CHIC1: variants seen among roughly 807,000 people sequenced by gnomAD.
CHIC1 encodes cysteine rich hydrophobic domain 1, also known as cysteine-rich hydrophobic domain-containing protein 1.
In CHIC1, 7 loss-of-function variants were observed where a neutral mutation model predicts 18.5. The ratio of observed to expected loss-of-function variants is 0.38; its 90% CI spans 0.22 to 0.71. The LOEUF is 0.71. Among genes scored for constraint, CHIC1 ranks in the 30% least tolerant of loss-of-function variants. The pLI is 0.49. For synonymous variants in CHIC1, 77 were observed against 73.5 expected, an observed-to-expected ratio of 1.05 and a Z score of -0.25; for missense variants, 159 against 176.9, an observed-to-expected ratio of 0.90 and a Z score of 0.57.
intron 3 of CHIC1, among the ~76,000 whole-genome samples, chrX:73,645,433 G>T (rs746286886): frequency 9.0e-6 from 1 of 111,528 alleles, no homozygotes; most frequent in East Asian, 2.8e-4. Context: ...CCCAGAAGTG[G>T]GATTGCTGGA....
intron 3 of CHIC1, among the ~76,000 whole-genome samples, chrX:73,649,535 T>C (rs1455666731): frequency 1.8e-5 from 2 of 110,629 alleles, no homozygotes; most frequent in African/African-American, 6.6e-5. Flanking sequence ...AAAGCAGAGG[T>C]TGCAATCCTA....
intron 3 of CHIC1, among the ~76,000 whole-genome samples, chrX:73,652,745 G>T (rs1302100385): frequency 1.8e-5 from 2 of 112,063 alleles, no homozygotes; most frequent in African/African-American, 3.2e-5. Context: ...TGTTGGTGAG[G>T]CTGTGAAGAA....
In CHIC1 at chrX:73,644,939, G is replaced by A. The variant is rs746085481; in HGVS notation, c.508-34387G>A. 1.6e-4 allele frequency among the ~76,000 whole-genome samples: 18 copies of A among 112,232 alleles called. No homozygotes were observed. The South Asian group carries it at 2.9e-3, about 18-fold the overall frequency. On this transcript the variant is annotated intron_variant, in intron 3 of 5. Coordinates refer to ENST00000373502, the MANE Select transcript of CHIC1 (RefSeq NM_001039840.4). Reference sequence around the variant, plus strand: ...CACTTCCGGAGTGAGGCAGTGCCTCGCCCTGCTTCGACTCACACCCGGTGC... The same window carrying A: ...CACTTCCGGAGTGAGGCAGTGCCTCACCCTGCTTCGACTCACACCCGGTGC...
intron 2 of CHIC1, among the ~76,000 whole-genome samples, chrX:73,582,733 A>C (rs2057533722): frequency 1.8e-5 from 2 of 110,099 alleles, no homozygotes; most frequent in African/African-American, 6.6e-5. Context: ...CCAAGGATTA[A>C]TTTACATTTT....
intron 3 of CHIC1, among the ~76,000 whole-genome samples, chrX:73,646,264 G>A (rs908226851): frequency 3.6e-5 from 4 of 111,889 alleles, no homozygotes; most frequent in African/African-American, 1.3e-4. Context: ...CAGTGTGTCT[G>A]TATTTATGCT....
At chrX:73,657,814 C>T (rs2057958237) in intron 3 of CHIC1, among the ~76,000 whole-genome samples, 1 of 111,310 alleles carries the variant, frequency 9.0e-6, no homozygotes, top group Non-Finnish European at 1.9e-5. Context: ...TTATTGAGAG[C>T]TTTTAACATG....
intron 5 of CHIC1, among the ~76,000 whole-genome samples, chrX:73,680,213 G>A (rs2058091570): frequency 9.3e-6 from 1 of 107,584 alleles, no homozygotes; most frequent in South Asian, 4.0e-4. Context: ...TTCACATATA[G>A]CCAATGTGAT....
intron 3 of CHIC1, among the ~76,000 whole-genome samples, chrX:73,676,469 C>T (rs948514094): frequency 6.3e-5 from 7 of 111,482 alleles, no homozygotes; most frequent in Non-Finnish European, 7.5e-5. Flanking sequence ...CTTCTCGCCT[C>T]ATTTCATTCA....
chrX:73,615,813 C>T lies in CHIC1; in HGVS notation c.507+31241C>T, dbSNP rs1016519128. The stretch of plus-strand genomic sequence containing the variant: ...GGGGCAACAGTGATTGTACCACAGC[C>T]TTGTTCCTGGGTCAGGTGGGGTTGC... On this transcript the variant is annotated intron_variant, in intron 3 of 5. Transcript: ENST00000373502. 8.1e-5 allele frequency among the ~76,000 whole-genome samples: 9 copies of T among 111,060 alleles called. No homozygotes were observed. The East Asian group carries it at 1.4e-3, about 18-fold the overall frequency.
At chrX:73,581,046 T>C (rs1298297456) in intron 2 of CHIC1, among the ~76,000 whole-genome samples, 1 of 111,151 alleles carries the variant, frequency 9.0e-6, no homozygotes, top group Non-Finnish European at 1.9e-5. Context: ...CCACAGAAAT[T>C]TAGAAAAGAA....
intron 3 of CHIC1, among the ~76,000 whole-genome samples, chrX:73,618,866 T>A (rs563843662): frequency 8.9e-6 from 1 of 112,779 alleles, no homozygotes; most frequent in African/African-American, 3.2e-5. Flanking sequence ...AGAAGTTTTC[T>A]TCTTCCTCTG....
intron 3 of CHIC1, among the ~76,000 whole-genome samples, chrX:73,613,963 T>C (rs1366107505): frequency 9.0e-6 from 1 of 111,518 alleles, no homozygotes; most frequent in Non-Finnish European, 1.9e-5. Context: ...TACTGGTAGA[T>C]GTTATACTTT....
intron 3 of CHIC1, among the ~76,000 whole-genome samples, chrX:73,614,283 C>T (rs937445197): frequency 9.0e-6 from 1 of 111,295 alleles, no homozygotes; most frequent in Admixed American, 9.6e-5. Context: ...TTTTCTCTTG[C>T]TGTTTCTAGA....
chrX:73,661,035 G>A (rs2057977501), intron 3 of CHIC1, among the ~76,000 whole-genome samples: 1 of 111,252 alleles, frequency 9.0e-6, no homozygotes, highest in African/African-American at 3.3e-5. Flanking sequence ...TTTAAGGGTG[G>A]CGTGGGTACG....
chrX:73,624,514 A>G (rs773149178), intron 3 of CHIC1, among the ~76,000 whole-genome samples: 12 of 112,460 alleles, frequency 1.1e-4, no homozygotes, highest in Non-Finnish European at 1.9e-4. Context: ...CTACTAAGCT[A>G]CAGCACTGGA....
intron 3 of CHIC1, among the ~76,000 whole-genome samples, chrX:73,609,425 C>T (rs1175930939): frequency 9.3e-6 from 1 of 107,874 alleles, no homozygotes; most frequent in Non-Finnish European, 1.9e-5. Flanking sequence ...TGTTTTAGAC[C>T]ATTTCTTGCT....
At chrX:73,676,857 G>A (rs183129299) in intron 3 of CHIC1, among the ~76,000 whole-genome samples, 1 of 111,365 alleles carries the variant, frequency 9.0e-6, no homozygotes, top group Non-Finnish European at 1.9e-5. Flanking sequence ...TCCCGTCTTT[G>A]TGGTTTTATC....
intron 2 of CHIC1, among the ~76,000 whole-genome samples, chrX:73,578,494 T>C (rs955572564): frequency 6.3e-5 from 7 of 110,733 alleles, no homozygotes; most frequent in African/African-American, 1.9e-4. Flanking sequence ...ATTCAACATA[T>C]TTAATTTTAG....
At chrX:73,586,707 C>A (rs1018726572) in intron 3 of CHIC1, among the ~76,000 whole-genome samples, 3 of 111,278 alleles carry the variant, frequency 2.7e-5, no homozygotes, top group African/African-American at 9.8e-5. Flanking sequence ...CAAAAATAAT[C>A]CTTGCTTTAT....
Sources: allele counts gnomAD v4.1 joint callset (sites outside exome capture counted in the v4.1 genomes callset), GRCh38; gene constraint gnomAD v4.1.1; transcripts MANE v1.5; gene names NCBI Gene and HGNC (gene_info 2026-07-23, HGNC 2026-07-21).